Variants in MALRD1 observed in about 807,000 individuals in gnomAD.
MALRD1 encodes MAM and LDL receptor class A domain containing 1, also known as MAM and LDL-receptor class A domain-containing protein 1.
MALRD1 carries 247 observed loss-of-function variants against 242.1 expected under a neutral mutation model. That is an observed-to-expected ratio of 1.02 (90% confidence interval 0.92 to 1.13). The LOEUF (loss-of-function observed/expected upper bound fraction) is 1.13. MALRD1 is among the 50% of genes most tolerant of loss of function. The probability of loss-of-function intolerance (pLI) is 0.00; values close to 1 mark genes in which losing one functional copy is unlikely to be tolerated. For missense variants in MALRD1, 2,989 were observed against 2,533.1 expected, an observed-to-expected ratio of 1.18 and a Z score of -3.86; for synonymous variants, 995 against 866.6, an observed-to-expected ratio of 1.15 and a Z score of -2.60.
chr10:19,563,778 A>C (rs1836119551), intron 32 of MALRD1, among the ~76,000 whole-genome samples: 1 of 152,174 alleles, frequency 6.6e-6, no homozygotes, highest in African/African-American at 2.4e-5. Context: ...ATGGTCTCTA[A>C]TACACATCTG....
At chr10:19,360,214 G>T (rs2130701729) in intron 26 of MALRD1, among the ~76,000 whole-genome samples, 1 of 152,204 alleles carries the variant, frequency 6.6e-6, no homozygotes, top group East Asian at 1.9e-4. Context: ...CATGGGGCAT[G>T]ATGGTGTATA....
rs2499066 is a variant in MALRD1, at chr10:19,283,012, A to G, written c.3257-7A>G. On this transcript the variant is annotated splice_region_variant and splice_polypyrimidine_tract_variant and intron_variant, in intron 20 of 39. Coordinates refer to ENST00000454679, the MANE Select transcript of MALRD1 (RefSeq NM_001142308.3). ...GCTCACCTTTTCTTTGTTCTACCCC[A>G]TCCAAGTTATGGAAGTTTGCAGCTT... 0.39 allele frequency: 604,427 copies of G among 1,531,224 alleles called. 124,567 individuals carry two copies. Among genetic ancestry groups the G allele is most frequent in the African/African-American group, 0.67 (48,609 of 72,340 alleles). The allele number at this position is 1,531,224 out of a possible 1,614,324, so 94.9% of individuals were successfully genotyped here.
chr10:19,705,764 T>C (rs911070830), intron 38 of MALRD1, among the ~76,000 whole-genome samples: 21 of 134,924 alleles, frequency 1.6e-4, no homozygotes, highest in African/African-American at 6.2e-4. Context: ...TCTCTGATTT[T>C]TTCCTTAATC....
intron 12 of MALRD1, among the ~76,000 whole-genome samples, chr10:19,163,099 C>T (rs886269000): frequency 2.3e-5 from 3 of 129,036 alleles, no homozygotes; most frequent in African/African-American, 8.9e-5. Flanking sequence ...GATCATGCCA[C>T]TGCACTCCAG....
At chr10:19,314,773 T>C (rs1393769670) in intron 21 of MALRD1, among the ~76,000 whole-genome samples, 1 of 151,466 alleles carries the variant, frequency 6.6e-6, no homozygotes, top group Admixed American at 6.6e-5. Context: ...AGAGACCATA[T>C]AGCCTTCAAA....
intron 38 of MALRD1, among the ~76,000 whole-genome samples, chr10:19,723,142 T>A (rs1834848870): frequency 6.6e-6 from 1 of 152,158 alleles, no homozygotes. Context: ...TTGTCTGACA[T>A]CTTAGAAACA....
intron 29 of MALRD1, among the ~76,000 whole-genome samples, chr10:19,463,552 T>C (rs1836053389): frequency 1.4e-5 from 1 of 70,372 alleles, no homozygotes; most frequent in Non-Finnish European, 2.6e-5. Context: ...CGTGGCTGAG[T>C]AGTGTGTGTG....
At chr10:19,488,972 A>T (rs1837351070) in intron 29 of MALRD1, 1 of 436,178 alleles carries the variant, frequency 2.3e-6, no homozygotes, top group African/African-American at 2.0e-5. Flanking sequence ...GGGGCGGAGG[A>T]GAAGGCGGGC....
intron 32 of MALRD1, among the ~76,000 whole-genome samples, chr10:19,560,968 A>G (rs1835937936): frequency 6.6e-6 from 1 of 152,222 alleles, no homozygotes; most frequent in Admixed American, 6.5e-5. Flanking sequence ...TAAAAAAATG[A>G]TAATCATACT....
At chr10:19,154,718 A>G (rs578010878) in intron 11 of MALRD1, among the ~76,000 whole-genome samples, 25 of 152,314 alleles carry the variant, frequency 1.6e-4, no homozygotes, top group Non-Finnish European at 3.1e-4. Context: ...TGAAGAAACT[A>G]AAAAGTAAAG....
At chr10:19,150,809 A>G (rs1053296074) in intron 11 of MALRD1, among the ~76,000 whole-genome samples, 15 of 152,196 alleles carry the variant, frequency 9.9e-5, no homozygotes, top group African/African-American at 3.1e-4. Flanking sequence ...TTAGCTAAAT[A>G]TATTTGATTT....
intron 19 of MALRD1, among the ~76,000 whole-genome samples, chr10:19,261,193 A>C (rs959644071): frequency 6.6e-6 from 1 of 152,178 alleles, no homozygotes; most frequent in African/African-American, 2.4e-5. Context: ...GGGAGGTAAA[A>C]CAGCTACTAG....
rs532269439 is a variant in MALRD1 at position 19,136,750 on chromosome 10, C to G, written c.1380C>G (p.Ser460=). The G allele has an allele frequency of 6.5e-6, 8 of 1,231,484 alleles. No individual in the cohort carries two copies. The highest frequency in any genetic ancestry group is 1.6e-5 in the African/African-American group (1 of 64,396). The allele number at this position is 1,231,484 out of a possible 1,614,324, so 76.3% of individuals were successfully genotyped here. Reference sequence around the variant, plus strand: ...TCTGTGACTCTCGGCAGGACTGCTCCGATGAGAGTGATGAAGACCCAGCAA... The same window carrying G: ...TCTGTGACTCTCGGCAGGACTGCTCGGATGAGAGTGATGAAGACCCAGCAA... ...ESVCDSRQDC[S]DESDEDPATC... is the part of the protein sequence containing the mutation. The change falls in exon 10 of 40, where the codon TCC becomes TCG. Residue 460 remains serine, a synonymous_variant. Transcript: ENST00000454679.
At chr10:19,499,028 C>T (rs1330851633) in intron 31 of MALRD1, among the ~76,000 whole-genome samples, 1 of 152,122 alleles carries the variant, frequency 6.6e-6, no homozygotes, top group East Asian at 1.9e-4. Flanking sequence ...CCAGTCACAA[C>T]AATGAAATGG....
At chr10:19,582,543 C>T (rs1368616068) in intron 33 of MALRD1, among the ~76,000 whole-genome samples, 2 of 136,562 alleles carry the variant, frequency 1.5e-5, no homozygotes, top group African/African-American at 2.6e-5. Context: ...AGATATGCGG[C>T]ATTATTTCTG....
chr10:19,231,646 T>C (rs1045913480), intron 18 of MALRD1, among the ~76,000 whole-genome samples: 1 of 152,186 alleles, frequency 6.6e-6, no homozygotes, highest in African/African-American at 2.4e-5. Context: ...CCATTTAAGA[T>C]GTGCCTTTGC....
Position 19,718,375 on chromosome 10 carries a change from C to G in MALRD1, c.6315-12331C>G, listed in dbSNP as rs189446138. Among the ~76,000 whole-genome samples the G allele has an allele frequency of 3.2e-4, 48 of 152,310 alleles. No homozygotes were observed. In the East Asian group the frequency reaches 9.3e-3, roughly 29 times the overall value. On this transcript the variant is annotated intron_variant, in intron 38 of 39. Coordinates refer to ENST00000454679, the MANE Select transcript of MALRD1 (RefSeq NM_001142308.3). Reference sequence around the variant, plus strand: ...CTGTGGAGGAATCAGGGAGCTTTTACTAATGGCAGAAGGCAAAGCAGGAGC... The same window carrying G: ...CTGTGGAGGAATCAGGGAGCTTTTAGTAATGGCAGAAGGCAAAGCAGGAGC...
chr10:19,213,873 A>G (rs910244156), intron 18 of MALRD1, among the ~76,000 whole-genome samples: 1 of 152,170 alleles, frequency 6.6e-6, no homozygotes, highest in Non-Finnish European at 1.5e-5. Context: ...ATTAGGTGGG[A>G]TCAGACCAGT....
At chr10:19,683,567 A>G (rs1390922675) in intron 36 of MALRD1, among the ~76,000 whole-genome samples, 1 of 152,146 alleles carries the variant, frequency 6.6e-6, no homozygotes, top group Non-Finnish European at 1.5e-5. Context: ...TGAGTCCTGC[A>G]TTCCTTTCTC....
Sources: allele counts gnomAD v4.1 joint callset (sites outside exome capture counted in the v4.1 genomes callset), GRCh38; gene constraint gnomAD v4.1.1; transcripts MANE v1.5; gene names NCBI Gene and HGNC (gene_info 2026-07-23, HGNC 2026-07-21).